Variants in SLC11A2 observed in about 807,000 individuals in gnomAD.
SLC11A2 encodes natural resistance-associated macrophage protein 2.
In SLC11A2, 38 loss-of-function variants were observed where a neutral mutation model predicts 68.0. That is an observed-to-expected ratio of 0.56 (90% CI 0.43 to 0.73). The LOEUF is 0.73. Ranked by LOEUF, SLC11A2 falls within the 30% of genes least tolerant of loss-of-function variation. The pLI is 0.00. For synonymous variants in SLC11A2, 242 were observed against 250.6 expected, an observed-to-expected ratio of 0.97 and a Z score of 0.32; for missense variants, 517 against 690.5, an observed-to-expected ratio of 0.75 and a Z score of 2.82.
At chr12:51,027,511 T>G (rs961076285), upstream of SLC11A2, among the ~76,000 whole-genome samples, 1 of 151,692 alleles carries the variant, frequency 6.6e-6, no homozygotes, top group African/African-American at 2.4e-5. Context: ...TAGTGAATTG[T>G]TTTCCTCCTC....
At chr12:50,959,523 T>A in the SLC11A2 span, among the ~76,000 whole-genome samples, 7 of 152,234 alleles carry the variant, frequency 4.6e-5, no homozygotes, top group African/African-American at 9.6e-5. Context: ...TATCCAAAAA[T>A]TTTTTTTCAG....
chr12:50,991,034 G>T, intron 14 of SLC11A2, 86 bp from the exon 15 acceptor site: 1 of 1,193,000 alleles, frequency 8.4e-7, no homozygotes, highest in Non-Finnish European at 1.2e-6. Context: ...ATTAGAGGCA[G>T]TTCAAAATGA....
Position 51,000,362 on chromosome 12 carries a change from G to T in SLC11A2, c.487C>A (p.Gln163Lys), listed in dbSNP as rs199818531. The change falls in exon 6 of 16, where the codon CAA becomes AAA. Residue 163 changes from glutamine (Q) to lysine (K), a missense_variant. Coordinates refer to ENST00000262052, the MANE Select transcript of SLC11A2 (RefSeq NM_000617.3). ...VELAIIGSDM[Q>K]EVIGSAIAIN... ...GCAATGGCTGAGCCAATGACTTCTT[G>T]CATGTCTGAGCCGATGATAGCCAAC... 1.2e-5 allele frequency: 20 copies of T among 1,614,002 alleles called. No homozygotes were observed. Among genetic ancestry groups the T allele is most frequent in the Non-Finnish European group, 1.6e-5 (19 of 1,179,972 alleles).
At chr12:50,981,068 T>C (rs1939995577), downstream of SLC11A2, 1 of 152,140 alleles carries the variant, frequency 6.6e-6, no homozygotes, top group Non-Finnish European at 1.5e-5. Context: ...ACAAAGACAA[T>C]AATTACAAAA....
chr12:50,955,519 C>T, the SLC11A2 span, among the ~76,000 whole-genome samples: 1 of 152,262 alleles, frequency 6.6e-6, no homozygotes, highest in South Asian at 2.1e-4. Flanking sequence ...AAATAGTTTA[C>T]TTAAATCAGA....
rs1214754848 is a variant in SLC11A2, at chr12:50,999,212, A to G, written c.637T>C (p.Phe213Leu). The G allele has an allele frequency of 1.2e-6, 2 of 1,614,182 alleles. No individual in the cohort carries two copies. Among genetic ancestry groups the G allele is most frequent in the Non-Finnish European group, 1.7e-6 (2 of 1,180,014 alleles). The change falls in exon 8 of 16, where the codon TTT becomes CTT. Residue 213 changes from phenylalanine (F) to leucine (L), a missense_variant. By Grantham distance (22) the Phe-to-Leu change is conservative. Transcript: ENST00000262052. ...GLRKLEAFFG[F>L]LITIMALTFG... ...GTGAGGGCCATAATAGTGATGAGAA[A>G]GCCAAAAAATGCTTCTAGCTTCCGC...
At chr12:50,973,680 C>G in the SLC11A2 span, among the ~76,000 whole-genome samples, 6 of 152,132 alleles carry the variant, frequency 3.9e-5, no homozygotes, top group African/African-American at 1.2e-4. Context: ...TACAGATGAT[C>G]GAATTTCTCC....
At chr12:50,960,966 A>G in the SLC11A2 span, 1 of 1,567,540 alleles carries the variant, frequency 6.4e-7, no homozygotes, top group Non-Finnish European at 8.7e-7. Context: ...TAAAATTCAC[A>G]GGTATAGCAG....
At chr12:51,027,604 C>A (rs1274290929), upstream of SLC11A2, among the ~76,000 whole-genome samples, 4 of 152,120 alleles carry the variant, frequency 2.6e-5, no homozygotes, top group South Asian at 6.2e-4. Flanking sequence ...AGCCTCACAC[C>A]GTATCTTTTG....
At chr12:50,994,817 A>G (rs1176049235) in intron 10 of SLC11A2, 187 bp from the exon 11 acceptor site, 2 of 596,072 alleles carry the variant, frequency 3.4e-6, no homozygotes, top group African/African-American at 3.7e-5. Flanking sequence ...ATCCTTCTAC[A>G]CCCACAGGTC....
chr12:50,993,151 CTTT>C, intron 11 of SLC11A2: 1 of 529,486 alleles, frequency 1.9e-6, no homozygotes. Context: ...CTGCCTAGTC[CTTT>C]CTCTTCTCCA....
At chr12:51,021,172 T>C (rs1944018471) in intron 1 of SLC11A2, among the ~76,000 whole-genome samples, 1 of 152,192 alleles carries the variant, frequency 6.6e-6, no homozygotes, top group African/African-American at 2.4e-5. Context: ...ATAAGTTAAA[T>C]GCAAATACTA....
At chr12:51,026,552 G>A (rs990793523), upstream of SLC11A2, 11 of 345,406 alleles carry the variant, frequency 3.2e-5, no homozygotes, top group South Asian at 8.7e-5. Flanking sequence ...GGCGGCCCCT[G>A]GGGCACCCGG....
the SLC11A2 span, chr12:50,954,225 G>A: frequency 1.8e-6 from 1 of 570,018 alleles, no homozygotes; most frequent in Non-Finnish European, 3.1e-6. Context: ...CTCTAAGCAT[G>A]TGTTGAACTT....
chr12:51,003,129 G>C (rs1428921122), intron 5 of SLC11A2, among the ~76,000 whole-genome samples: 3 of 151,172 alleles, frequency 2.0e-5, no homozygotes, highest in Non-Finnish European at 4.4e-5. Context: ...CCAGCTACTC[G>C]GGAGGCTGAG....
At position 50,992,356 on chromosome 12, in the gene SLC11A2, G is replaced by A; in HGVS notation, c.1198-17C>T. Reference sequence around the variant, plus strand: ...CAGGAATCCCTGGAAGAAAACATAGGAGCAGATGACTGTCTGCAACAGGAA... The same window carrying A: ...CAGGAATCCCTGGAAGAAAACATAGAAGCAGATGACTGTCTGCAACAGGAA... On this transcript the variant is annotated splice_polypyrimidine_tract_variant and intron_variant, in intron 12 of 15. Transcript: ENST00000262052. The A allele has an allele frequency of 6.2e-7, 1 of 1,613,350 alleles. No homozygotes were observed. The highest frequency in any genetic ancestry group is 1.1e-5 in the South Asian group (1 of 91,042).
At chr12:50,982,938 CAAAAAAAAAA>C (rs34727368), downstream of SLC11A2, among the ~76,000 whole-genome samples, 163 of 90,020 alleles carry the variant, frequency 1.8e-3, 1 homozygote, top group Non-Finnish European at 3.2e-3. Context: ...GAGACTCCGT[CAAAAAAAAAA>C]AAAAAAAAAC....
intron 5 of SLC11A2, among the ~76,000 whole-genome samples, chr12:51,003,538 T>A (rs1398448335): frequency 1.3e-5 from 2 of 149,324 alleles, no homozygotes; most frequent in African/African-American, 2.5e-5. Context: ...GGCAACAGAG[T>A]GAGATTCTGT....
chr12:50,973,027 A>C, the SLC11A2 span, among the ~76,000 whole-genome samples: 2 of 152,214 alleles, frequency 1.3e-5, no homozygotes, highest in African/African-American at 2.4e-5. Context: ...CCGCAGCTCA[A>C]GGAGGCCTGC....
Sources: allele counts gnomAD v4.1 joint callset (sites outside exome capture counted in the v4.1 genomes callset), GRCh38; gene constraint gnomAD v4.1.1; transcripts MANE v1.5; gene names NCBI Gene and HGNC (gene_info 2026-07-23, HGNC 2026-07-21).